The following UPP2 variants were observed in gnomAD, a reference collection of about 807,000 sequenced individuals.
UPP2 encodes the protein UPase 2.
A neutral mutation model predicts 26.7 loss-of-function variants in UPP2; 23 were observed. The observed-to-expected ratio is 0.86, with a 90% CI of 0.62 to 1.22. The LOEUF is 1.22. UPP2 is among the 50% of genes most tolerant of loss of function. UPP2 has a pLI of 0.00. For synonymous variants in UPP2, 127 were observed against 141.3 expected, an observed-to-expected ratio of 0.90 and a Z score of 0.72; for missense variants, 387 against 396.7, an observed-to-expected ratio of 0.98 and a Z score of 0.21.
intron 3 of UPP2, among the ~76,000 whole-genome samples, chr2:158,078,721 C>G (rs1178470506): frequency 6.6e-6 from 1 of 152,024 alleles, no homozygotes; most frequent in East Asian, 1.9e-4. Flanking sequence ...TAGTATTTGA[C>G]AGCACAACAG....
At position 158,106,136 on chromosome 2, in the gene UPP2, T is replaced by C; in HGVS notation, c.100T>C (p.Leu34=). 2 of 1,605,386 alleles carry C rather than the reference T, an allele frequency of 1.2e-6. No homozygotes were observed. Residue 34 remains leucine (L), a synonymous_variant, in exon 2 of 7, where the codon TTG becomes CTG. Transcript: ENST00000005756. ...TCACGTTAAAAATCCTTACTTGGAT[T>C]TGATGGATGAAGACATTCTCTATCA... ...FVHVKNPYLD[L]MDEDILYHLD...
At chr2:158,065,096 A>G (rs1031959090) in intron 3 of UPP2, among the ~76,000 whole-genome samples, 1 of 152,318 alleles carries the variant, frequency 6.6e-6, no homozygotes, top group East Asian at 1.9e-4. Flanking sequence ...TTTTCAATGC[A>G]TAAACACATT....
At chr2:158,019,639 AACACAC>A (rs57149695) in intron 3 of UPP2, among the ~76,000 whole-genome samples, 11,781 of 141,060 alleles carry the variant, frequency 0.084, 572 homozygotes, top group East Asian at 0.21. Context: ...AATCCTTTAA[AACACAC>A]ACACACACAC....
At chr2:158,131,596 G>A (rs796460227) in intron 6 of UPP2, among the ~76,000 whole-genome samples, 14 of 152,256 alleles carry the variant, frequency 9.2e-5, no homozygotes, top group African/African-American at 3.4e-4. Context: ...TTCAGCTCAG[G>A]GTGCATCCAA....
intron 3 of UPP2, among the ~76,000 whole-genome samples, chr2:158,045,058 G>A (rs904197859): frequency 1.3e-5 from 2 of 152,130 alleles, no homozygotes; most frequent in Non-Finnish European, 2.9e-5. Flanking sequence ...TTTCCTGAAT[G>A]TATTTTCTTT....
chr2:158,043,784 G>A (rs1684113273), intron 3 of UPP2, among the ~76,000 whole-genome samples: 1 of 152,204 alleles, frequency 6.6e-6, no homozygotes, highest in East Asian at 1.9e-4. Flanking sequence ...ATTGGAAGCA[G>A]TGATTCTCTG....
rs142196760 is a variant in UPP2 at position 158,086,751 on chromosome 2, A to G, written c.148-15289A>G. Among the ~76,000 whole-genome samples, 1,168 of 152,268 alleles carry G rather than the reference A, an allele frequency of 7.7e-3. 11 individuals are homozygous for G. The highest frequency in any genetic ancestry group is 9.4e-3 in the Non-Finnish European group (641 of 67,980). ...CCATCTTGATTTCATTGTTGACCCA[A>G]TGATCATTCAGGAACAGGTTATTTA... On this transcript the variant is annotated intron_variant, in intron 3 of 9. Transcript: ENST00000605860.
In UPP2 at chr2:158,106,216, G is replaced by A. The variant is rs1244911046; in HGVS notation, c.180G>A (p.Lys60=). 2 of 1,597,170 alleles carry A rather than the reference G, an allele frequency of 1.3e-6. No homozygotes were observed. Among genetic ancestry groups the A allele is most frequent in the Non-Finnish European group, 1.7e-6 (2 of 1,174,556 alleles). Residue 60 remains lysine, a splice_region_variant and synonymous_variant, in exon 2 of 7, where the codon AAG becomes AAA. Transcript: ENST00000005756. ...HNLPAMFGDV[K]FVCVGGSPNR... The stretch of plus-strand genomic sequence containing the variant: ...TACCAGCAATGTTTGGAGATGTAAA[G>A]GTAAAAACATTTCTAATTTCAGGAA...
intron 6 of UPP2, among the ~76,000 whole-genome samples, chr2:158,127,106 C>T (rs929183057): frequency 6.6e-5 from 10 of 152,196 alleles, no homozygotes; most frequent in African/African-American, 1.7e-4. Context: ...ACAAGGAGGC[C>T]TTGGGTCCAC....
At chr2:158,044,765 G>C (rs1684128247) in intron 3 of UPP2, among the ~76,000 whole-genome samples, 1 of 152,120 alleles carries the variant, frequency 6.6e-6, no homozygotes, top group South Asian at 2.1e-4. Context: ...ACAAAAGGAG[G>C]CTCCAGAGAG....
chr2:158,034,918 G>T (rs148854787), intron 3 of UPP2, among the ~76,000 whole-genome samples: 2 of 152,114 alleles, frequency 1.3e-5, no homozygotes, highest in African/African-American at 4.8e-5. Context: ...TCCAAATAAA[G>T]TGCACATCAG....
At chr2:158,091,884 A>T (rs1317666934) in intron 3 of UPP2, among the ~76,000 whole-genome samples, 1 of 152,228 alleles carries the variant, frequency 6.6e-6, no homozygotes, top group East Asian at 1.9e-4. Context: ...GATCGAGTCC[A>T]TGGTCAAGGA....
At chr2:158,088,706 G>A (rs780028544) in intron 3 of UPP2, among the ~76,000 whole-genome samples, 7 of 152,266 alleles carry the variant, frequency 4.6e-5, no homozygotes, top group Non-Finnish European at 8.8e-5. Flanking sequence ...CCTTCCTCTA[G>A]GGATGTGGCT....
intron 3 of UPP2, among the ~76,000 whole-genome samples, chr2:158,072,270 A>G (rs1331724809): frequency 6.6e-6 from 1 of 152,114 alleles, no homozygotes; most frequent in Non-Finnish European, 1.5e-5. Flanking sequence ...GAAGAACAGG[A>G]AAGACTTTGT....
chr2:158,006,364 G>A (rs889494247), intron 2 of UPP2, among the ~76,000 whole-genome samples: 1 of 151,892 alleles, frequency 6.6e-6, no homozygotes, highest in African/African-American at 2.4e-5. Flanking sequence ...AGCTACTCTG[G>A]AGGCTGAGGC....
chr2:158,011,495 G>A (rs1336592544), intron 2 of UPP2, among the ~76,000 whole-genome samples: 1 of 152,156 alleles, frequency 6.6e-6, no homozygotes, highest in African/African-American at 2.4e-5. Flanking sequence ...AGCTAGGGAA[G>A]AAGTCTGATT....
intron 6 of UPP2, among the ~76,000 whole-genome samples, chr2:158,130,340 A>G (rs1683788177): frequency 6.6e-6 from 1 of 151,878 alleles, no homozygotes; most frequent in South Asian, 2.1e-4. Flanking sequence ...AGTCCCAGCT[A>G]CTCGGGAGGC....
At chr2:158,097,396 G>T (rs759387564), upstream of UPP2, among the ~76,000 whole-genome samples, 147 of 151,948 alleles carry the variant, frequency 9.7e-4, 1 homozygote, top group Admixed American at 3.7e-3. Context: ...TATATATATA[G>T]AGAGAGTGTG....
At chr2:158,013,051 C>T (rs529862132) in intron 2 of UPP2, among the ~76,000 whole-genome samples, 3 of 152,048 alleles carry the variant, frequency 2.0e-5, no homozygotes, top group South Asian at 2.1e-4. Context: ...TTGCCCAGGC[C>T]GGAGTGCAGT....
Sources: allele counts gnomAD v4.1 joint callset (sites outside exome capture counted in the v4.1 genomes callset), GRCh38; gene constraint gnomAD v4.1.1; transcripts MANE v1.5; gene names NCBI Gene and HGNC (gene_info 2026-07-23, HGNC 2026-07-21).